The following NAT8L variants were observed in gnomAD, a reference collection of about 807,000 sequenced individuals.
The protein encoded by NAT8L is N-acetylaspartate synthetase.
A neutral mutation model predicts 21.2 loss-of-function variants in NAT8L; 6 were observed. The observed-to-expected ratio is 0.28, with a 90% CI of 0.16 to 0.56. NAT8L has a LOEUF of 0.56. NAT8L is among the 20% of genes least tolerant of loss of function. The pLI is 0.93. For synonymous variants in NAT8L, 239 were observed against 204.9 expected (o/e 1.17, Z -1.42); for missense variants, 331 against 433.3 (o/e 0.76, Z 2.10).
chr4:2,060,569 C>G lies in NAT8L; in HGVS notation c.377-429C>G, dbSNP rs1165216675. ...TGGCCAGGAAGGGCTCTTGCTGGGG[C>G]CCTGGGAAGAGGGGGTCCTGGAGCC... On this transcript the variant is annotated intron_variant, in intron 1 of 2. Transcript: ENST00000423729. The surrounding 1 kb of genome is among the most constrained non-coding windows in gnomAD (Gnocchi z 4.7). Among the ~76,000 whole-genome samples the G allele has an allele frequency of 6.6e-6, 1 of 152,148 alleles. No homozygotes were observed. The highest frequency in any genetic ancestry group is 1.5e-5 in the Non-Finnish European group (1 of 68,020).
rs1729972654 is a variant in NAT8L, at chr4:2,065,169, G to C, written c.*1042G>C. 6.6e-6 allele frequency: 1 copy of C among 152,512 alleles called. No individual in the cohort carries two copies. Among genetic ancestry groups the C allele is most frequent in the Non-Finnish European group, 1.5e-5 (1 of 68,102 alleles). The allele number at this position is 152,512 out of a possible 1,614,324, so 9.4% of individuals were successfully genotyped here. The stretch of plus-strand genomic sequence containing the variant: ...TTCTGGCCCAGTGTGATGGGGGTGG[G>C]TGGCCGGGTGGGTGGAGCGTTTTGC... On this transcript the variant is annotated 3_prime_UTR_variant, in exon 3 of 3. Coordinates refer to ENST00000423729, the MANE Select transcript of NAT8L (RefSeq NM_178557.4).
rs1263777971 is a variant in NAT8L at position 2,060,752 on chromosome 4, T to C, written c.377-246T>C. 2.7e-5 allele frequency among the ~76,000 whole-genome samples: 4 copies of C among 149,854 alleles called. No individual in the cohort carries two copies. The highest frequency in any genetic ancestry group is 4.5e-5 in the Non-Finnish European group (3 of 67,358). ...CTTCCCGGCCCGGCCATCCCGAGGG[T>C]GTCCTGCCGTGTTTGGAAGCTCAGA... is the stretch of plus-strand genomic sequence containing the variant. On this transcript the variant is annotated intron_variant, in intron 1 of 2. Transcript: ENST00000423729. This position sits in a 1 kb window ranked among gnomAD's most constrained non-coding sequence, Gnocchi z 4.7.
chr4:2,061,556 C>G (rs1729890356), intron 2 of NAT8L, among the ~76,000 whole-genome samples: 1 of 152,284 alleles, frequency 6.6e-6, no homozygotes, highest in South Asian at 2.1e-4. Context: ...GGCCGGGGAC[C>G]CTATTGGGGC....
At chr4:2,062,294 A>G (rs1729908528) in intron 2 of NAT8L, among the ~76,000 whole-genome samples, 1 of 151,854 alleles carries the variant, frequency 6.6e-6, no homozygotes, top group Non-Finnish European at 1.5e-5. Context: ...TCTTGGGAGG[A>G]GTGAGGTGTG....
rs1359238517 is a variant in NAT8L, at chr4:2,060,331, G to A, written c.376+444G>A. On this transcript the variant is annotated intron_variant, in intron 1 of 2. Coordinates refer to ENST00000423729, the MANE Select transcript of NAT8L (RefSeq NM_178557.4). The surrounding 1 kb of genome is among the most constrained non-coding windows in gnomAD (Gnocchi z 4.7). ...GGTGCGCGCGCCTGGCACAGCCGGG[G>A]CGGTCGCAGAGGGCGGCCCCTTCAG... 1.3e-5 allele frequency among the ~76,000 whole-genome samples: 2 copies of A among 152,222 alleles called. No homozygotes were observed. The highest frequency in any genetic ancestry group is 2.9e-5 in the Non-Finnish European group (2 of 68,028).
rs1730025171 is a variant in NAT8L, at chr4:2,067,348, G to T, written c.*3221G>T. Reference sequence around the variant, plus strand: ...CTGAGGGGTGGATGGCTGGCCCTGGGGGAAGGCTGGGCCTGGGAGGCCCTG... The same window carrying T: ...CTGAGGGGTGGATGGCTGGCCCTGGTGGAAGGCTGGGCCTGGGAGGCCCTG... On this transcript the variant is annotated 3_prime_UTR_variant, in exon 3 of 3. Coordinates refer to ENST00000423729, the MANE Select transcript of NAT8L (RefSeq NM_178557.4). The T allele has an allele frequency of 6.5e-6, 1 of 152,770 alleles. No individual in the cohort carries two copies. The highest frequency in any genetic ancestry group is 6.5e-5 in the Admixed American group (1 of 15,296). 9.5% of individuals were successfully genotyped at this position (152,770 alleles called of 1,614,324 possible).
intron 2 of NAT8L, among the ~76,000 whole-genome samples, chr4:2,062,439 C>T (rs922105878): frequency 6.6e-6 from 1 of 151,828 alleles, no homozygotes; most frequent in Non-Finnish European, 1.5e-5. Context: ...CCAGGATCCC[C>T]TCCTTGGAGG....
At position 2,064,049 on chromosome 4, in the gene NAT8L, C is replaced by T. The variant is rs570380407; in HGVS notation, c.831C>T (p.Gly277=). The T allele has an allele frequency of 9.9e-6, 16 of 1,610,978 alleles. No homozygotes were observed. In the East Asian group the frequency reaches 3.3e-4, roughly 34 times the overall value. ...CCAGTGACCACTACGTGCTGCCGGG[C>T]ATGACCCTCTCGCTGGCTGAGCGCC... ...MGASDHYVLP[G]MTLSLAERLF... The change falls in exon 3 of 3, where the codon GGC becomes GGT. Residue 277 remains glycine (G), a synonymous_variant. Coordinates refer to ENST00000423729, the MANE Select transcript of NAT8L (RefSeq NM_178557.4).
intron 2 of NAT8L, 61 bp from the exon 3 acceptor site, chr4:2,063,699 A>C (rs981726551): frequency 8.7e-6 from 14 of 1,601,034 alleles, no homozygotes; most frequent in African/African-American, 1.3e-5. Context: ...CTCACCCCAG[A>C]GGTGGAGGGG....
intron 2 of NAT8L, among the ~76,000 whole-genome samples, chr4:2,062,300 G>A (rs1729909025): frequency 6.6e-6 from 1 of 152,148 alleles, no homozygotes; most frequent in Non-Finnish European, 1.5e-5. Flanking sequence ...GAGGAGTGAG[G>A]TGTGCCCAGG....
In NAT8L at chr4:2,063,761, C is replaced by A; in HGVS notation, c.543C>A (p.Gly181=). The A allele has an allele frequency of 6.2e-7, 1 of 1,611,220 alleles. No homozygotes were observed. The highest frequency in any genetic ancestry group is 8.5e-7 in the Non-Finnish European group (1 of 1,179,858). The change falls in exon 3 of 3, where the codon GGC becomes GGA. Residue 181 remains glycine, a splice_region_variant and synonymous_variant. Transcript: ENST00000423729. ...DIEQYYMKPP[G]SCFWVAVLDG... is the part of the protein sequence containing the mutation. The stretch of plus-strand genomic sequence containing the variant: ...CCCTGACCGCCCTATCCCCTGCAGG[C>A]TCCTGCTTCTGGGTGGCCGTGCTGG...
At position 2,060,835 on chromosome 4, in the gene NAT8L, A is replaced by C. The variant is rs1292954910; in HGVS notation, c.377-163A>C. Among the ~76,000 whole-genome samples, 1 of 152,050 alleles carries C rather than the reference A, an allele frequency of 6.6e-6. No individual in the cohort carries two copies. The highest frequency in any genetic ancestry group is 1.5e-5 in the Non-Finnish European group (1 of 67,980). ...TGGGTGGGGTGGCTGTCTTCACCGC[A>C]GGAAGCTTGGAAATAGGGAGAAGTA... is the stretch of plus-strand genomic sequence containing the variant. On this transcript the variant is annotated intron_variant, in intron 1 of 2. Coordinates refer to ENST00000423729, the MANE Select transcript of NAT8L (RefSeq NM_178557.4). The surrounding 1 kb of genome is among the most constrained non-coding windows in gnomAD (Gnocchi z 4.7).
chr4:2,059,754 C>G lies in NAT8L; in HGVS notation c.243C>G (p.Arg81=), dbSNP rs1298039439. The change falls in exon 1 of 3, where the codon CGC becomes CGG. Residue 81 remains arginine, a synonymous_variant. Coordinates refer to ENST00000423729, the MANE Select transcript of NAT8L (RefSeq NM_178557.4). This position sits in a 1 kb window ranked among gnomAD's most constrained non-coding sequence, Gnocchi z 4.8. ...CGGGGGGGCGCGGCGTGTGCATCCG[C>G]GAGTTCCGTGCGGCCGAGCAGGAGG... ...GPPGGRGVCI[R]EFRAAEQEAA... 349 of 1,307,052 alleles carry G rather than the reference C, an allele frequency of 2.7e-4. 4 individuals are homozygous for G. The highest frequency in any genetic ancestry group is 6.4e-5 in the Non-Finnish European group (65 of 1,015,676). The allele number at this position is 1,307,052 out of a possible 1,614,324, so 81.0% of individuals were successfully genotyped here.
At position 2,064,121 on chromosome 4, in the gene NAT8L, G is replaced by A; in HGVS notation, c.903G>A (p.Glu301=). 2.5e-6 allele frequency: 4 copies of A among 1,579,166 alleles called. No homozygotes were observed. Among genetic ancestry groups the A allele is most frequent in the Admixed American group, 1.7e-5 (1 of 58,272 alleles). ...RYHRYRLQLR[E]E is the part of the protein sequence containing the mutation. ...ACCGCTACCGCCTGCAGCTGCGCGA[G>A]GAGTGACCGCCGCCGCTCGCCCGCC... Residue 301 remains glutamate, a synonymous_variant, in exon 3 of 3, where the codon GAG becomes GAA. Coordinates refer to ENST00000423729, the MANE Select transcript of NAT8L (RefSeq NM_178557.4).
Position 2,061,050 on chromosome 4 carries a change from C to T in NAT8L, c.429C>T (p.Ala143=), listed in dbSNP as rs1227850878. 6.3e-7 allele frequency: 1 copy of T among 1,596,388 alleles called. No homozygotes were observed. The highest frequency in any genetic ancestry group is 1.3e-5 in the African/African-American group (1 of 74,352). Residue 143 remains alanine, a synonymous_variant, in exon 2 of 3, where the codon GCC becomes GCT. Coordinates refer to ENST00000423729, the MANE Select transcript of NAT8L (RefSeq NM_178557.4). ...RSLLLTCLVP[A]ALLGLRYYYS... Reference sequence around the variant, plus strand: ...TGCTGCTGACGTGCCTGGTGCCGGCCGCGCTGCTGGGCCTGCGCTACTACT... The same window carrying T: ...TGCTGCTGACGTGCCTGGTGCCGGCTGCGCTGCTGGGCCTGCGCTACTACT...
Position 2,059,885 on chromosome 4 carries a change from C to A in NAT8L, c.374C>A (p.Ala125Glu). 1 of 1,316,086 alleles carries A rather than the reference C, an allele frequency of 7.6e-7. No homozygotes were observed. Among genetic ancestry groups the A allele is most frequent in the Non-Finnish European group, 9.8e-7 (1 of 1,020,824 alleles). 81.5% of individuals were successfully genotyped at this position (1,316,086 alleles called of 1,614,324 possible). A position where few individuals can be genotyped will look rare whatever the true frequency, so the allele number is the denominator to read the frequency against. Residue 125 changes from alanine (A) to glutamate (E), a missense_variant and splice_region_variant, in exon 1 of 3, where the codon GCG becomes GAG. Ala to Glu is a moderately radical substitution (Grantham distance 107). Around this residue, in one of 2 missense-constraint regions of NAT8L, gnomAD observed 199 missense variants for 196.1 expected, o/e 1.01. Transcript: ENST00000423729. This position sits in a 1 kb window ranked among gnomAD's most constrained non-coding sequence, Gnocchi z 4.8. ...GCGCAGCTGCTCTACGCCCTGCTGG[C>A]GGGTCAGTGCGCCGGGCCCCCGGCT... ...PRAQLLYALL[A>E]ALCFAVSRSL...
rs1229163860 is a variant in NAT8L at position 2,059,782 on chromosome 4, G to A, written c.271G>A (p.Ala91Thr). 7.3e-7 allele frequency: 1 copy of A among 1,361,980 alleles called. No homozygotes were observed. Among genetic ancestry groups the A allele is most frequent in the Non-Finnish European group, 9.6e-7 (1 of 1,046,348 alleles). The allele number at this position is 1,361,980 out of a possible 1,614,324, so 84.4% of individuals were successfully genotyped here. The change falls in exon 1 of 3, where the codon GCG (alanine) becomes ACG (threonine). Residue 91 changes from alanine (A) to threonine (T), a missense_variant. This residue lies in a region of NAT8L where 199 missense variants were observed against 196.1 expected (regional missense o/e 1.01). Transcript: ENST00000423729. This position sits in a 1 kb window ranked among gnomAD's most constrained non-coding sequence, Gnocchi z 4.8. ...REFRAAEQEA[A>T]RRIFYDGIME... ...GTTCCGTGCGGCCGAGCAGGAGGCG[G>A]CGCGCCGCATCTTCTACGACGGCAT...
intron 2 of NAT8L, among the ~76,000 whole-genome samples, chr4:2,063,454 A>G (rs916138596): frequency 6.6e-6 from 1 of 152,262 alleles, no homozygotes. Flanking sequence ...TGAGCAGCGC[A>G]GCCTCCAGGC....
chr4:2,061,190 C>G, intron 2 of NAT8L, 28 bp downstream of exon 2: 1 of 1,609,972 alleles, frequency 6.2e-7, no homozygotes, highest in Non-Finnish European at 8.5e-7. Flanking sequence ...CGCTCCCCGA[C>G]CTCCGCCCCA....
Sources: gnomAD v4.1 joint callset for allele counts (sites outside exome capture counted in the v4.1 genomes callset) on GRCh38, gnomAD v4.1.1 for gene constraint, gnomAD v4.1.1 regional missense constraint, Gnocchi (gnomAD v3.1) non-coding constraint, MANE v1.5 for transcripts, NCBI Gene and HGNC (gene_info 2026-07-23, HGNC 2026-07-21) for gene names.